The following SCTR variants were observed in gnomAD, a reference collection of about 807,000 sequenced individuals.
The protein encoded by SCTR is secretin receptor, also known as pancreatic secretin receptor.
SCTR carries 56 observed loss-of-function variants against 60.8 expected under a neutral mutation model. The observed-to-expected ratio is 0.92, with a 90% confidence interval of 0.74 to 1.15. SCTR has a LOEUF of 1.15. SCTR is among the 50% of genes most tolerant of loss of function. SCTR has a pLI of 0.00. For synonymous variants in SCTR, 202 were observed against 217.0 expected (o/e 0.93, Z 0.61); for missense variants, 562 against 550.4 (o/e 1.02, Z -0.21).
rs567471443 is a variant in SCTR at position 119,473,448 on chromosome 2, C to T, written c.405+5G>A. The T allele has an allele frequency of 1.9e-6, 3 of 1,607,854 alleles. No individual in the cohort carries two copies. Among genetic ancestry groups the T allele is most frequent in the East Asian group, 4.5e-5 (2 of 44,826 alleles). ...GGTTCGTGGGGTGGAGGTTGACAGG[C>T]TTACCCGCTTCTCGTTGGAAGAGTC... On this transcript the variant is annotated splice_donor_5th_base_variant and intron_variant, in intron 4 of 12. Coordinates refer to ENST00000019103, the MANE Select transcript of SCTR (RefSeq NM_002980.3).
chr2:119,500,148 C>G (rs78890271), intron 1 of SCTR, among the ~76,000 whole-genome samples: 2 of 151,828 alleles, frequency 1.3e-5, no homozygotes, highest in Non-Finnish European at 2.9e-5. Context: ...CACAATGAGA[C>G]AGTATTTCAC....
At chr2:119,514,541 G>A (rs965275131) in intron 1 of SCTR, among the ~76,000 whole-genome samples, 8 of 152,160 alleles carry the variant, frequency 5.3e-5, no homozygotes, top group Non-Finnish European at 1.0e-4. Flanking sequence ...CTTAAGTCAA[G>A]ATGGCAAAAT....
chr2:119,520,790 T>C (rs1277371468), intron 1 of SCTR, among the ~76,000 whole-genome samples: 1 of 152,172 alleles, frequency 6.6e-6, no homozygotes, highest in Non-Finnish European at 1.5e-5. Context: ...CACACCTGTT[T>C]CCATCCTCTG....
intron 1 of SCTR, among the ~76,000 whole-genome samples, chr2:119,517,782 G>A (rs1022275783): frequency 6.6e-5 from 10 of 152,172 alleles, no homozygotes; most frequent in African/African-American, 1.9e-4. Context: ...GAAGTCGGTA[G>A]GGGTAGGAGT....
At chr2:119,472,340 A>T (rs1315286558) in intron 4 of SCTR, among the ~76,000 whole-genome samples, 2 of 152,192 alleles carry the variant, frequency 1.3e-5, no homozygotes, top group Non-Finnish European at 2.9e-5. Context: ...TCAAGAAAAG[A>T]GAGGAGGAAA....
chr2:119,462,089 A>G (rs1038277800), intron 6 of SCTR, 89 bp from the exon 7 acceptor site: 82 of 1,324,840 alleles, frequency 6.2e-5, no homozygotes, highest in Non-Finnish European at 8.0e-5. Context: ...AGGGTGTTGT[A>G]GGGGCAGGAG....
chr2:119,453,172 G>T (rs1683238571), intron 8 of SCTR, 115 bp downstream of exon 8: 1 of 780,576 alleles, frequency 1.3e-6, no homozygotes, highest in Admixed American at 2.1e-5. Context: ...ACTCATCTGT[G>T]GCCTCTACTT....
At position 119,524,166 on chromosome 2, in the gene SCTR, C is replaced by T; in HGVS notation, c.61G>A (p.Ala21Thr). ...QLLLPVLLAC[A>T]AHSTGALPRL... ...GGCGCAGTACTCACCGAGTGCGCGG[C>T]GCAGGCGAGCAGCACCGGCAGTAGT... Residue 21 changes from alanine to threonine, a missense_variant, in exon 1 of 13, where the codon GCC (alanine) becomes ACC (threonine). Coordinates refer to ENST00000019103, the MANE Select transcript of SCTR (RefSeq NM_002980.3). 1 of 1,535,730 alleles carries T rather than the reference C, an allele frequency of 6.5e-7. No homozygotes were observed. The highest frequency in any genetic ancestry group is 8.8e-7 in the Non-Finnish European group (1 of 1,139,866).
At chr2:119,515,917 G>A (rs1679098975) in intron 1 of SCTR, among the ~76,000 whole-genome samples, 1 of 152,136 alleles carries the variant, frequency 6.6e-6, no homozygotes, top group Admixed American at 6.6e-5. Flanking sequence ...CCCTTGGTAG[G>A]ATCCGGACTG....
rs115228477 is a variant in SCTR at position 119,454,179 on chromosome 2, G to A, written c.791-832C>T. ...CAGAAGTGCTGTCTGGGGCAATGCCGCTGGGGAAGTGCCCAAGGATGCTCT... is the reference window on the plus strand; with the variant it reads ...CAGAAGTGCTGTCTGGGGCAATGCCACTGGGGAAGTGCCCAAGGATGCTCT... On this transcript the variant is annotated intron_variant, in intron 7 of 12. Coordinates refer to ENST00000019103, the MANE Select transcript of SCTR (RefSeq NM_002980.3). Among the ~76,000 whole-genome samples, 470 of 152,248 alleles carry A rather than the reference G, an allele frequency of 3.1e-3. 2 individuals carry two copies. The highest frequency in any genetic ancestry group is 9.7e-3 in the East Asian group (50 of 5,164).
intron 5 of SCTR, among the ~76,000 whole-genome samples, chr2:119,464,762 G>C (rs1683761783): frequency 6.6e-6 from 1 of 152,102 alleles, no homozygotes; most frequent in Non-Finnish European, 1.5e-5. Flanking sequence ...GGCTGTAGGG[G>C]CAACATTGTA....
rs201617857 is a variant in SCTR, at chr2:119,478,832, G to A, written c.280C>T (p.Arg94Trp). The A allele has an allele frequency of 1.1e-4, 178 of 1,614,154 alleles. No homozygotes were observed. The highest frequency in any genetic ancestry group is 2.5e-4 in the Admixed American group (15 of 60,024). The change falls in exon 3 of 13, where the codon CGG (arginine) becomes TGG (tryptophan). Residue 94 changes from arginine (R) to tryptophan (W), a missense_variant. Arg to Trp is a moderately radical substitution (Grantham distance 101, BLOSUM62 -3). Transcript: ENST00000019103. ...TTACCATTTCTGCTGGTGAGCATCC[G>A]GAGGAATCTCGGGCATTCCACCTCC... is the stretch of plus-strand genomic sequence containing the variant. ...MVEVECPRFL[R>W]MLTSRNGSLF...
intron 4 of SCTR, among the ~76,000 whole-genome samples, chr2:119,471,856 T>G (rs1046405408): frequency 2.0e-5 from 3 of 152,224 alleles, no homozygotes; most frequent in Non-Finnish European, 4.4e-5. Flanking sequence ...AGCATGTTCC[T>G]TAATCCCTGA....
chr2:119,497,829 C>T (rs986991327), intron 1 of SCTR, among the ~76,000 whole-genome samples: 4 of 151,986 alleles, frequency 2.6e-5, no homozygotes, highest in African/African-American at 4.8e-5. Context: ...ACAACCTGAA[C>T]AACAGAGAGA....
At chr2:119,507,126 T>A (rs1362319509) in intron 1 of SCTR, among the ~76,000 whole-genome samples, 1 of 152,104 alleles carries the variant, frequency 6.6e-6, no homozygotes, top group Non-Finnish European at 1.5e-5. Flanking sequence ...ATTATCTGAG[T>A]ATAAAAGAAC....
chr2:119,461,899 G>A lies in SCTR; in HGVS notation c.738C>T (p.Ile246=), dbSNP rs1405007970. 2 of 1,613,814 alleles carry A rather than the reference G, an allele frequency of 1.2e-6. No individual in the cohort carries two copies. The highest frequency in any genetic ancestry group is 1.7e-6 in the Non-Finnish European group (2 of 1,179,948). Residue 246 remains isoleucine (I), a synonymous_variant, in exon 7 of 13, where the codon ATC becomes ATT. Transcript: ENST00000019103. ...EGLYLHTLLA[I]SFFSERKYLQ... The stretch of plus-strand genomic sequence containing the variant: ...GGTACTTTCTTTCAGAGAAGAAGGA[G>A]ATGGCGAGGAGTGTGTGAAGGTAGA...
At chr2:119,505,701 T>A (rs1466638575) in intron 1 of SCTR, among the ~76,000 whole-genome samples, 1 of 127,148 alleles carries the variant, frequency 7.9e-6, no homozygotes, top group African/African-American at 3.0e-5. Context: ...CACCGGGGCC[T>A]GTTGTGGGGT....
intron 7 of SCTR, among the ~76,000 whole-genome samples, chr2:119,461,295 G>A (rs1683593149): frequency 6.6e-6 from 1 of 152,244 alleles, no homozygotes; most frequent in Non-Finnish European, 1.5e-5. Context: ...CAAGTATTGG[G>A]TGGGAACGAA....
chr2:119,519,285 C>G (rs1679212482), intron 1 of SCTR, among the ~76,000 whole-genome samples: 1 of 152,112 alleles, frequency 6.6e-6, no homozygotes, highest in Non-Finnish European at 1.5e-5. Context: ...TAAGTGGACT[C>G]CCCTAAACTG....
Sources: allele counts gnomAD v4.1 joint callset (sites outside exome capture counted in the v4.1 genomes callset), GRCh38; gene constraint gnomAD v4.1.1; transcripts MANE v1.5; gene names NCBI Gene and HGNC (gene_info 2026-07-23, HGNC 2026-07-21).